SHISA6: variants seen among roughly 807,000 people sequenced by gnomAD.
The protein encoded by SHISA6 is protein shisa-6.
A neutral mutation model predicts 47.9 loss-of-function variants in SHISA6; 22 were observed. That is an observed-to-expected ratio of 0.46 (90% CI 0.33 to 0.66). The LOEUF (loss-of-function observed/expected upper bound fraction) is 0.66, where lower values mean the gene tolerates loss of function less well. Among genes scored for constraint, SHISA6 ranks in the 30% least tolerant of loss-of-function variants. SHISA6 has a pLI of 0.02. For missense variants in SHISA6, 680 were observed against 764.6 expected, an observed-to-expected ratio of 0.89 and a Z score of 1.30; for synonymous variants, 388 against 337.8, an observed-to-expected ratio of 1.15 and a Z score of -1.63.
chr17:11,524,791 G>A (rs571873749), intron 3 of SHISA6, among the ~76,000 whole-genome samples: 3 of 152,150 alleles, frequency 2.0e-5, no homozygotes, highest in Non-Finnish European at 2.9e-5. Flanking sequence ...GAGCCACTGC[G>A]CCCGGTCTAT....
chr17:11,270,253 C>T (rs1038802321), intron 2 of SHISA6, among the ~76,000 whole-genome samples: 5 of 152,214 alleles, frequency 3.3e-5, no homozygotes, highest in South Asian at 4.1e-4. Flanking sequence ...GGATTACAGG[C>T]GTGAGCCGCC....
chr17:11,390,037 G>T (rs1192261649), intron 3 of SHISA6, among the ~76,000 whole-genome samples: 4 of 152,206 alleles, frequency 2.6e-5, no homozygotes, highest in African/African-American at 7.2e-5. Flanking sequence ...TGTTCTCAGG[G>T]CATCACTGTT....
At chr17:11,555,986 C>T (rs1349510364) in intron 5 of SHISA6, 94 bp downstream of exon 5, 2 of 1,346,130 alleles carry the variant, frequency 1.5e-6, no homozygotes, top group East Asian at 5.5e-5. Context: ...CATAGGACAG[C>T]TGTCAAATCC....
At chr17:11,346,408 A>C (rs1911700783) in intron 2 of SHISA6, among the ~76,000 whole-genome samples, 1 of 152,186 alleles carries the variant, frequency 6.6e-6, no homozygotes, top group African/African-American at 2.4e-5. Flanking sequence ...TAAGTGTCTA[A>C]GAACTTTTGC....
chr17:11,260,878 T>C (rs750410071), intron 1 of SHISA6, among the ~76,000 whole-genome samples: 2 of 152,078 alleles, frequency 1.3e-5, no homozygotes, highest in Non-Finnish European at 2.9e-5. Flanking sequence ...ACTCTCCCTG[T>C]TGTTCTCTCA....
At chr17:11,467,278 G>T (rs1915831111) in intron 3 of SHISA6, among the ~76,000 whole-genome samples, 2 of 152,042 alleles carry the variant, frequency 1.3e-5, no homozygotes, top group Admixed American at 1.3e-4. Context: ...ACAAGCTCAC[G>T]CTGGTCCCCA....
intron 3 of SHISA6, among the ~76,000 whole-genome samples, chr17:11,509,251 T>G (rs1045547339): frequency 6.6e-6 from 1 of 152,180 alleles, no homozygotes; most frequent in African/African-American, 2.4e-5. Context: ...CCTCCTTAGA[T>G]TGTATTCGCA....
chr17:11,502,949 G>A (rs953269433), intron 3 of SHISA6, among the ~76,000 whole-genome samples: 1 of 152,134 alleles, frequency 6.6e-6, no homozygotes, highest in African/African-American at 2.4e-5. Flanking sequence ...TTTCAGGGTC[G>A]GGTCTTTGGA....
intron 2 of SHISA6, among the ~76,000 whole-genome samples, chr17:11,279,101 TGTG>T (rs1220412034): frequency 6.6e-6 from 1 of 152,152 alleles, no homozygotes; most frequent in African/African-American, 2.4e-5. Context: ...CTTCACTCCT[TGTG>T]GTGCAGCTAC....
At chr17:11,276,623 C>A (rs758434) in intron 2 of SHISA6, among the ~76,000 whole-genome samples, 138,262 of 151,802 alleles carry the variant, frequency 0.91, 63,625 homozygotes, top group East Asian at 1. Flanking sequence ...CATCATCATC[C>A]TCACCATCAC....
At chr17:11,430,013 T>C (rs1377847399) in intron 3 of SHISA6, among the ~76,000 whole-genome samples, 10 of 152,180 alleles carry the variant, frequency 6.6e-5, no homozygotes, top group African/African-American at 2.4e-4. Context: ...CAATGACCCA[T>C]TTTCTGTGGT....
rs922796181 is a variant in SHISA6, at chr17:11,382,244, AT to A, written c.895+2744del. The stretch of plus-strand genomic sequence containing the variant: ...CATGCTCCCATGCTCAGCTAATTTA[AT>A]TTTTTTTTATTTTTGTAGAAACAGG... On this transcript the variant is annotated intron_variant, in intron 3 of 5. Coordinates refer to ENST00000441885, the MANE Select transcript of SHISA6 (RefSeq NM_207386.4). Among the ~76,000 whole-genome samples, 7 of 151,072 alleles carry A rather than the reference AT, an allele frequency of 4.6e-5. No homozygotes were observed. In the South Asian group the frequency reaches 6.3e-4, roughly 14 times the overall value.
chr17:11,440,576 A>G (rs890256501), intron 3 of SHISA6, among the ~76,000 whole-genome samples: 1 of 149,818 alleles, frequency 6.7e-6, no homozygotes, highest in African/African-American at 2.4e-5. Flanking sequence ...ACAGGTTTGG[A>G]CAAGCCCTCA....
chr17:11,337,422 C>T (rs78429368), intron 2 of SHISA6, among the ~76,000 whole-genome samples: 3,771 of 152,182 alleles, frequency 0.025, 147 homozygotes, highest in African/African-American at 0.087. Context: ...TGCACCTGCA[C>T]GAGGCTGGGC....
chr17:11,344,525 C>A (rs68100708), intron 2 of SHISA6, among the ~76,000 whole-genome samples: 19,051 of 151,964 alleles, frequency 0.13, 1,287 homozygotes, highest in African/African-American at 0.17. Context: ...ATACCACCAC[C>A]GTTTATGAAA....
intron 3 of SHISA6, among the ~76,000 whole-genome samples, chr17:11,501,544 C>T (rs1386645432): frequency 6.6e-6 from 1 of 152,152 alleles, no homozygotes; most frequent in Non-Finnish European, 1.5e-5. Context: ...AAGACCAAGG[C>T]ATGACTTAAT....
Position 11,391,593 on chromosome 17 carries a change from G to A in SHISA6, c.895+12084G>A, listed in dbSNP as rs150142496. Among the ~76,000 whole-genome samples, 164 of 152,220 alleles carry A rather than the reference G, an allele frequency of 1.1e-3. 1 individual carries two copies. The highest frequency in any genetic ancestry group is 5.3e-4 in the Non-Finnish European group (36 of 68,026). ...TACTCTTCTCAGCACGACTGTCCCC[G>A]TTTGTGTGAATTGTGGTGCAGCTCA... is the stretch of plus-strand genomic sequence containing the variant. On this transcript the variant is annotated intron_variant, in intron 3 of 5. Coordinates refer to ENST00000441885, the MANE Select transcript of SHISA6 (RefSeq NM_207386.4).
chr17:11,294,752 T>C (rs559320541), intron 2 of SHISA6, among the ~76,000 whole-genome samples: 1 of 152,220 alleles, frequency 6.6e-6, no homozygotes, highest in East Asian at 1.9e-4. Flanking sequence ...TGCACAAATC[T>C]CTCTTTGCTT....
At chr17:11,360,922 T>G (rs1271986998) in intron 2 of SHISA6, among the ~76,000 whole-genome samples, 2 of 151,758 alleles carry the variant, frequency 1.3e-5, no homozygotes, top group African/African-American at 4.8e-5. Context: ...TTGAGGTCAC[T>G]CTTGTTTTTC....
Sources: gnomAD v4.1 joint callset for allele counts (sites outside exome capture counted in the v4.1 genomes callset) on GRCh38, gnomAD v4.1.1 for gene constraint, MANE v1.5 for transcripts, NCBI Gene and HGNC (gene_info 2026-07-23, HGNC 2026-07-21) for gene names.